Variants in ATP8B4 observed in about 807,000 individuals in gnomAD.
ATP8B4 encodes ATPase phospholipid transporting 8B4 (putative).
A neutral mutation model predicts 145.6 loss-of-function variants in ATP8B4; 133 were observed. The ratio of observed to expected loss-of-function variants is 0.91; its 90% CI spans 0.79 to 1.05. ATP8B4 has a LOEUF of 1.05. Ranked by LOEUF, ATP8B4 falls within the 50% of genes least tolerant of loss-of-function variation. ATP8B4 has a pLI of 0.00. For synonymous variants in ATP8B4, 507 were observed against 492.9 expected (o/e 1.03, Z -0.38); for missense variants, 1,458 against 1,425.2 (o/e 1.02, Z -0.37).
chr15:49,871,935 C>T (rs2033726302), intron 25 of ATP8B4, among the ~76,000 whole-genome samples: 1 of 152,104 alleles, frequency 6.6e-6, no homozygotes, highest in South Asian at 2.1e-4. Context: ...GGGGAGAAAA[C>T]AATGGGCTGG....
In ATP8B4 at chr15:49,917,033, G is replaced by A; in HGVS notation, c.2042C>T (p.Ala681Val). Reference protein sequence around the residue: ...WVLTGDKQETAINIGYACNML... With the variant: ...WVLTGDKQETVINIGYACNML... ...GTTGCAGGCATAACCGATGTTGATGGCAGTTTCTAACACAAAATAAAGCCC... is the reference window on the plus strand; with the variant it reads ...GTTGCAGGCATAACCGATGTTGATGACAGTTTCTAACACAAAATAAAGCCC... The change falls in exon 20 of 28, where the codon GCC becomes GTC. Residue 681 changes from alanine to valine, a missense_variant. By Grantham distance (64) the Ala-to-Val change is moderately conservative. Coordinates refer to ENST00000284509, the MANE Select transcript of ATP8B4 (RefSeq NM_024837.4). 6.2e-7 allele frequency: 1 copy of A among 1,613,686 alleles called. No individual in the cohort carries two copies. The highest frequency in any genetic ancestry group is 8.5e-7 in the Non-Finnish European group (1 of 1,179,746).
intron 23 of ATP8B4, chr15:49,894,909 A>G (rs1397611109): frequency 7.9e-5 from 12 of 152,208 alleles, no homozygotes; most frequent in Non-Finnish European, 1.8e-4. Context: ...AACATTCAAG[A>G]TTTTATTACA....
intron 3 of ATP8B4, among the ~76,000 whole-genome samples, chr15:50,052,512 T>C (rs189348047): frequency 1.1e-3 from 170 of 152,278 alleles, no homozygotes; most frequent in Non-Finnish European, 1.6e-3. Context: ...ATGTTCCCTG[T>C]GGAAAATGTG....
chr15:49,991,050 A>C (rs1297839494), intron 9 of ATP8B4, among the ~76,000 whole-genome samples: 1 of 152,170 alleles, frequency 6.6e-6, no homozygotes, highest in Non-Finnish European at 1.5e-5. Context: ...CCAGCAGTAA[A>C]GAGGGAAATT....
intron 14 of ATP8B4, among the ~76,000 whole-genome samples, chr15:49,939,481 C>A (rs2041997815): frequency 6.6e-6 from 1 of 152,096 alleles, no homozygotes; most frequent in Non-Finnish European, 1.5e-5. Flanking sequence ...TACCTCTATG[C>A]ACACAAACTG....
chr15:50,018,834 T>A, intron 6 of ATP8B4: 1 of 827,216 alleles, frequency 1.2e-6, no homozygotes, highest in Non-Finnish European at 1.7e-6. Context: ...GATTTATTTA[T>A]AATCATGGGT....
intron 1 of ATP8B4, among the ~76,000 whole-genome samples, chr15:50,170,469 A>G (rs1346745140): frequency 6.7e-6 from 1 of 149,782 alleles, no homozygotes; most frequent in Non-Finnish European, 1.5e-5. Flanking sequence ...AGACAAACAA[A>G]TGCTGAGAGA....
intron 23 of ATP8B4, chr15:49,879,672 G>GT: frequency 2.0e-6 from 1 of 504,628 alleles, no homozygotes; most frequent in Non-Finnish European, 3.5e-6. Flanking sequence ...TATCTCTAAA[G>GT]TGATGTATAC....
Position 50,090,616 on chromosome 15 carries a change from T to C in ATP8B4, c.28+16323A>G, listed in dbSNP as rs1345544098. Among the ~76,000 whole-genome samples, 3 of 152,208 alleles carry C rather than the reference T, an allele frequency of 2.0e-5. No individual in the cohort carries two copies. In the South Asian group the frequency reaches 6.2e-4, roughly 31 times the overall value. ...CCACTTGATTGGATTTCACCATCTC[T>C]AGAACTGTGAGGAATACATTTCTGT... On this transcript the variant is annotated intron_variant, in intron 2 of 27. Coordinates refer to ENST00000284509, the MANE Select transcript of ATP8B4 (RefSeq NM_024837.4).
intron 23 of ATP8B4, among the ~76,000 whole-genome samples, chr15:49,893,586 G>T (rs1023270971): frequency 6.6e-6 from 1 of 152,128 alleles, no homozygotes; most frequent in Non-Finnish European, 1.5e-5. Flanking sequence ...ATTTATATGA[G>T]GTATCTAAAG....
intron 8 of ATP8B4, among the ~76,000 whole-genome samples, chr15:49,998,610 G>C (rs545249451): frequency 2.6e-5 from 4 of 152,074 alleles, no homozygotes; most frequent in Non-Finnish European, 4.4e-5. Context: ...TTGTAAATTT[G>C]TTTGAGTTCA....
chr15:50,000,065 A>G (rs1199925794), intron 8 of ATP8B4, among the ~76,000 whole-genome samples: 2 of 152,160 alleles, frequency 1.3e-5, no homozygotes, highest in African/African-American at 4.8e-5. Context: ...ATTCCATGGT[A>G]TGGATGTACC....
chr15:49,897,929 T>C (rs896065097), intron 22 of ATP8B4, 139 bp downstream of exon 22: 10 of 941,548 alleles, frequency 1.1e-5, no homozygotes, highest in African/African-American at 1.0e-4. Flanking sequence ...GGTGGTAGCA[T>C]TGGACCCAGA....
At chr15:50,044,768 C>A in intron 4 of ATP8B4, 76 bp from the exon 5 acceptor site, 1 of 994,838 alleles carries the variant, frequency 1.0e-6, no homozygotes, top group Non-Finnish European at 1.5e-6. Context: ...CATTTAATTT[C>A]AAATTAATGG....
At chr15:50,029,197 G>A (rs917850635) in intron 6 of ATP8B4, among the ~76,000 whole-genome samples, 3 of 131,528 alleles carry the variant, frequency 2.3e-5, no homozygotes, top group Non-Finnish European at 4.6e-5. Flanking sequence ...CACGCCACAC[G>A]CCACTGCACT....
chr15:50,020,011 T>G (rs921905808), intron 6 of ATP8B4, among the ~76,000 whole-genome samples: 9 of 151,696 alleles, frequency 5.9e-5, no homozygotes, highest in African/African-American at 1.9e-4. Context: ...CAGACTGGAG[T>G]GCATGGCATG....
chr15:50,136,450 T>C (rs915948480), intron 1 of ATP8B4, among the ~76,000 whole-genome samples: 3 of 152,200 alleles, frequency 2.0e-5, no homozygotes, highest in Non-Finnish European at 4.4e-5. Context: ...TCACCACTCA[T>C]ACAGGGATAA....
chr15:50,130,589 A>T (rs2057339129), intron 1 of ATP8B4, among the ~76,000 whole-genome samples: 1 of 151,946 alleles, frequency 6.6e-6, no homozygotes, highest in South Asian at 2.1e-4. Flanking sequence ...ATCCTGGCTA[A>T]CAAGGTGAAA....
At chr15:50,004,175 T>C (rs2048128667) in intron 7 of ATP8B4, among the ~76,000 whole-genome samples, 1 of 152,170 alleles carries the variant, frequency 6.6e-6, no homozygotes, top group Non-Finnish European at 1.5e-5. Flanking sequence ...GGCCTGCTGT[T>C]CCCTTTTGTT....
Sources: gnomAD v4.1 joint callset for allele counts (sites outside exome capture counted in the v4.1 genomes callset) on GRCh38, gnomAD v4.1.1 for gene constraint, MANE v1.5 for transcripts, NCBI Gene and HGNC (gene_info 2026-07-23, HGNC 2026-07-21) for gene names.